AGBL5: variants seen among roughly 807,000 people sequenced by gnomAD.
AGBL5 encodes AGBL carboxypeptidase 5, also known as cytosolic carboxypeptidase-like protein 5.
AGBL5 carries 51 observed loss-of-function variants against 88.0 expected under a neutral mutation model. The observed-to-expected ratio is 0.58, with a 90% CI of 0.46 to 0.73. The LOEUF (loss-of-function observed/expected upper bound fraction) is 0.73. Among genes scored for constraint, AGBL5 ranks in the 30% least tolerant of loss-of-function variants. The pLI, the probability that AGBL5 is intolerant of heterozygous loss-of-function variation, is 0.00. For missense variants in AGBL5, 1,031 were observed against 1,162.2 expected (o/e 0.89, Z 1.64); for synonymous variants, 446 against 438.8 (o/e 1.02, Z -0.21).
chr2:27,059,104 G>A (rs1668578981), intron 10 of AGBL5, 86 bp from the exon 11 acceptor site: 1 of 1,350,762 alleles, frequency 7.4e-7, no homozygotes, highest in Non-Finnish European at 1.0e-6. Context: ...CCCCAGAGGT[G>A]AAGCTTTACT....
chr2:27,050,997 C>G (rs1159325679), upstream of AGBL5: 5 of 152,364 alleles, frequency 3.3e-5, no homozygotes, highest in Non-Finnish European at 5.9e-5. Flanking sequence ...ATGTAGTATA[C>G]GGTAACGCTC....
rs778625808 is a variant in AGBL5, at chr2:27,055,822, A to G, written c.1049A>G (p.His350Arg). 6.2e-7 allele frequency: 1 copy of G among 1,614,144 alleles called. No homozygotes were observed. Among genetic ancestry groups the G allele is most frequent in the South Asian group, 1.1e-5 (1 of 91,076 alleles). ...CTGAACTCCCAGAGTTCCTCTGAGC[A>G]CCAGCCCAGTTCCTGTCTCCCTCCT... ...SRLNSQSSSE[H>R]QPSSCLPPDA... The change falls in exon 7 of 15, where the codon CAC becomes CGC. Residue 350 changes from histidine (H) to arginine (R), a missense_variant. His to Arg is a conservative substitution (Grantham distance 29). This residue lies in a region of AGBL5 where 540 missense variants were observed against 678.2 expected (regional missense o/e 0.80). Transcript: ENST00000360131.
At chr2:27,057,049 C>T (rs544443826) in intron 8 of AGBL5, 1 of 546,240 alleles carries the variant, frequency 1.8e-6, no homozygotes, top group South Asian at 3.1e-5. Context: ...AGGGAGGGAA[C>T]CACCTTAGTC....
rs758512907 is a variant in AGBL5 at position 27,069,654 on chromosome 2, C to T, written c.2437C>T (p.Arg813Trp). 12 of 1,614,186 alleles carry T rather than the reference C, an allele frequency of 7.4e-6. No individual in the cohort carries two copies. Among genetic ancestry groups the T allele is most frequent in the South Asian group, 6.6e-5 (6 of 91,086 alleles). The change falls in exon 14 of 15, where the codon CGG becomes TGG. Residue 813 changes from arginine to tryptophan, a missense_variant. This residue lies in a region of AGBL5 where 491 missense variants were observed against 484.0 expected (regional missense o/e 1.01). Coordinates refer to ENST00000360131, the MANE Select transcript of AGBL5 (RefSeq NM_021831.6). ...TTCAGGCCCCACATCCCCTACCCCC[C>T]GGACCAGGGAGAGCAGTGAGCTGGA... The part of the protein sequence containing the change: ...GSSGPTSPTP[R>W]TRESSELELG...
chr2:27,065,164 G>A (rs1040149814), intron 11 of AGBL5, among the ~76,000 whole-genome samples: 2 of 152,162 alleles, frequency 1.3e-5, no homozygotes, highest in East Asian at 1.9e-4. Context: ...TATCCAACAC[G>A]TTTATTAATG....
At position 27,068,646 on chromosome 2, in the gene AGBL5, C is replaced by T. The variant is rs1466110533; in HGVS notation, c.2257C>T (p.Leu753Phe). 3 of 1,614,076 alleles carry T rather than the reference C, an allele frequency of 1.9e-6. No individual in the cohort carries two copies. Among genetic ancestry groups the T allele is most frequent in the Admixed American group, 1.7e-5 (1 of 60,020 alleles). Residue 753 changes from leucine to phenylalanine, a missense_variant, in exon 13 of 15, where the codon CTC (leucine) becomes TTC (phenylalanine). By Grantham distance (22) the Leu-to-Phe change is conservative (BLOSUM62 0). Transcript: ENST00000360131. ...SFNIPGSSCS[L>F]LSSGDKPEAV... ...CTGTTCCCTAGGGAGCAGTTGCTCA[C>T]TCTTGTCCTCTGGAGACAAACCAGA...
At chr2:27,056,821 G>C (rs781536273) in intron 8 of AGBL5, 29 bp downstream of exon 8, 1 of 1,572,122 alleles carries the variant, frequency 6.4e-7, no homozygotes, top group South Asian at 1.2e-5. Context: ...TATAGTTGAT[G>C]AAATAGCTTC....
At chr2:27,063,147 G>C (rs1668800063) in intron 11 of AGBL5, among the ~76,000 whole-genome samples, 1 of 152,212 alleles carries the variant, frequency 6.6e-6, no homozygotes, top group African/African-American at 2.4e-5. Context: ...AGGGCTTTAA[G>C]GCTACTTTTT....
At chr2:27,060,959 T>C (rs113121207) in intron 11 of AGBL5, 1 of 152,166 alleles carries the variant, frequency 6.6e-6, no homozygotes, top group African/African-American at 2.4e-5. Context: ...TATTTAAGAG[T>C]GGTTTCTCCA....
chr2:27,067,864 A>G (rs565341475), intron 12 of AGBL5: 3 of 618,918 alleles, frequency 4.8e-6, no homozygotes, highest in Non-Finnish European at 8.9e-6. Context: ...TGTGCCAGGC[A>G]CTGCTCTACA....
intron 14 of AGBL5, 107 bp from the exon 15 acceptor site, chr2:27,069,985 C>T: frequency 1.3e-6 from 2 of 1,529,880 alleles, no homozygotes; most frequent in Non-Finnish European, 1.8e-6. Context: ...CCCATCCTTA[C>T]CCATCTTCAT....
intron 1 of AGBL5, 25 bp from the exon 2 acceptor site, chr2:27,052,888 T>C (rs542572820): frequency 7.2e-7 from 1 of 1,388,938 alleles, no homozygotes; most frequent in Non-Finnish European, 9.7e-7. Context: ...CTTTCCTCCT[T>C]AACCTAACCC....
At chr2:27,068,593 C>G in intron 12 of AGBL5, 39 bp from the exon 13 acceptor site, 2 of 1,581,956 alleles carry the variant, frequency 1.3e-6, no homozygotes, top group South Asian at 2.2e-5. Flanking sequence ...CTCCTCTTCT[C>G]TGTGACCCCT....
rs1452011461 is a variant in AGBL5, at chr2:27,053,217, T to C, written c.215+44T>C. On this transcript the variant is annotated intron_variant, in intron 2 of 14. Coordinates refer to ENST00000360131, the MANE Select transcript of AGBL5 (RefSeq NM_021831.6). The surrounding 1 kb of genome is among the most constrained non-coding windows in gnomAD (Gnocchi z 4.9). ...AGGGTGGAAAAAGGCTCCAAACCCATGCTTCAGTTAGCCCTCTGACTTATC... is the reference window on the plus strand; with the variant it reads ...AGGGTGGAAAAAGGCTCCAAACCCACGCTTCAGTTAGCCCTCTGACTTATC... 1.3e-6 allele frequency: 2 copies of C among 1,546,302 alleles called. No individual in the cohort carries two copies. Among genetic ancestry groups the C allele is most frequent in the Non-Finnish European group, 1.8e-6 (2 of 1,142,102 alleles).
Position 27,069,058 on chromosome 2 carries a change from G to A in AGBL5, c.2355+314G>A, listed in dbSNP as rs934892839. 8.0e-6 allele frequency: 11 copies of A among 1,368,292 alleles called. No individual in the cohort carries two copies. In the Admixed American group the frequency reaches 2.4e-4, roughly 30 times the overall value. 84.8% of individuals were successfully genotyped at this position (1,368,292 alleles called of 1,614,324 possible). A position where few individuals can be genotyped will look rare whatever the true frequency, so the allele number is the denominator to read the frequency against. On this transcript the variant is annotated intron_variant, in intron 13 of 14. Coordinates refer to ENST00000360131, the MANE Select transcript of AGBL5 (RefSeq NM_021831.6). ...TCTCTTTCTGCCCAGACCTGTCCGA[G>A]GAGAGTTTCCGCCAGGAGGGGTCCC...
intron 4 of AGBL5, chr2:27,054,264 TTTC>T: frequency 1.3e-5 from 8 of 604,866 alleles, no homozygotes; most frequent in Non-Finnish European, 1.9e-5. Flanking sequence ...CCCTCCACTC[TTTC>T]ACCTGCCCAG....
At chr2:27,059,691 A>G (rs1030337135) in intron 11 of AGBL5, among the ~76,000 whole-genome samples, 2 of 152,184 alleles carry the variant, frequency 1.3e-5, no homozygotes, top group African/African-American at 4.8e-5. Flanking sequence ...AGCAGTGCCA[A>G]ACAGGACATG....
Position 27,067,474 on chromosome 2 carries a change from CTTG to C in AGBL5, c.2090-18_2090-16del, listed in dbSNP as rs760288189. The C allele has an allele frequency of 4.6e-4, 741 of 1,611,558 alleles. No homozygotes were observed. Among genetic ancestry groups the C allele is most frequent in the Non-Finnish European group, 3.2e-4 (372 of 1,178,136 alleles). On this transcript the variant is annotated splice_polypyrimidine_tract_variant and intron_variant, in intron 11 of 14. Coordinates refer to ENST00000360131, the MANE Select transcript of AGBL5 (RefSeq NM_021831.6). ...CCCCACTTATTTGCCCTTTTATCTG[CTTG>C]TATCTCTTCCACTCAGAGCCCCGAA... is the stretch of plus-strand genomic sequence containing the variant.
chr2:27,057,356 C>CT lies in AGBL5; in HGVS notation c.1590dup (p.Ala531CysfsTer4). 6.2e-7 allele frequency: 1 copy of CT among 1,614,080 alleles called. No individual in the cohort carries two copies. Among genetic ancestry groups the CT allele is most frequent in the Non-Finnish European group, 8.5e-7 (1 of 1,179,978 alleles). ...GGACGCTCAGTAAACAGCATCCCTG[C>CT]TGCCTGCCATGACAATGGGCGTGCC... On this transcript the variant is annotated frameshift_variant, in exon 9 of 15. Coordinates refer to ENST00000360131, the MANE Select transcript of AGBL5 (RefSeq NM_021831.6). LOFTEE classifies it high-confidence loss of function.
Sources: gnomAD v4.1 joint callset for allele counts (sites outside exome capture counted in the v4.1 genomes callset) on GRCh38, gnomAD v4.1.1 for gene constraint, gnomAD v4.1.1 regional missense constraint, Gnocchi (gnomAD v3.1) non-coding constraint, MANE v1.5 for transcripts, NCBI Gene and HGNC (gene_info 2026-07-23, HGNC 2026-07-21) for gene names.